The following SLC9B2 variants were observed in gnomAD, a reference collection of about 807,000 sequenced individuals.
SLC9B2 encodes the protein solute carrier family 9 member B2, also known as sodium/hydrogen exchanger 9B2.
SLC9B2 carries 39 observed loss-of-function variants against 52.2 expected under a neutral mutation model. The ratio of observed to expected loss-of-function variants is 0.75; its 90% CI spans 0.58 to 0.98. The LOEUF (loss-of-function observed/expected upper bound fraction) is 0.98. SLC9B2 is among the 50% of genes least tolerant of loss of function. The pLI is 0.00. For missense variants in SLC9B2, 626 were observed against 637.5 expected (o/e 0.98, Z 0.19); for synonymous variants, 214 against 227.0 (o/e 0.94, Z 0.51).
Position 103,031,716 on chromosome 4 carries a change from G to T in SLC9B2, c.1239C>A (p.Leu413=). Residue 413 remains leucine (L), a synonymous_variant, in exon 10 of 12, where the codon CTC becomes CTA. Coordinates refer to ENST00000394785, the MANE Select transcript of SLC9B2 (RefSeq NM_178833.7). ...LIGAEVSIAS[L]RPETVGLCVA... The stretch of plus-strand genomic sequence containing the variant: ...AATTCTTACCTACAGTTTCTGGTCT[G>T]AGAGATGCAATAGATACCTCTGCTC... The T allele has an allele frequency of 6.2e-7, 1 of 1,612,296 alleles. No homozygotes were observed. Among genetic ancestry groups the T allele is most frequent in the South Asian group, 1.1e-5 (1 of 90,938 alleles).
At chr4:103,063,623 T>C (rs2110653075) in intron 3 of SLC9B2, among the ~76,000 whole-genome samples, 1 of 152,262 alleles carries the variant, frequency 6.6e-6, no homozygotes, top group African/African-American at 2.4e-5. Flanking sequence ...AAAAGCTCCA[T>C]GACACTGGTC....
In SLC9B2 at chr4:103,023,365, A is replaced by G. The variant is rs909651155; in HGVS notation, c.*3005T>C. Among the ~76,000 whole-genome samples the G allele has an allele frequency of 6.6e-6, 1 of 152,230 alleles. No individual in the cohort carries two copies. The highest frequency in any genetic ancestry group is 2.4e-5 in the African/African-American group (1 of 41,452). On this transcript the variant is annotated 3_prime_UTR_variant, in exon 12 of 12. Coordinates refer to ENST00000394785, the MANE Select transcript of SLC9B2 (RefSeq NM_178833.7). ...GACATAAGTATGTATAAGGGACCCA[A>G]AAGTTAGAGTAATTGTTTCTATCTG...
chr4:103,044,860 C>T, intron 8 of SLC9B2, 30 bp downstream of exon 8: 1 of 1,522,054 alleles, frequency 6.6e-7, no homozygotes, highest in Non-Finnish European at 9.1e-7. Flanking sequence ...TATTTCAGAG[C>T]ACAACTTTCC....
At position 103,067,470 on chromosome 4, in the gene SLC9B2, T is replaced by C; in HGVS notation, c.81A>G (p.Gln27=). 2.5e-6 allele frequency: 4 copies of C among 1,613,158 alleles called. No homozygotes were observed. Among genetic ancestry groups the C allele is most frequent in the East Asian group, 2.2e-5 (1 of 44,842 alleles). The change falls in exon 2 of 12, where the codon CAA becomes CAG. Residue 27 remains glutamine, a synonymous_variant. Transcript: ENST00000394785. ...TGMNYTPSMH[Q]EAQEETVMKL... ...CACAGCTTAGATTTACCTGTGCTTC[T>C]TGATGCATGGAGGGCGTGTAATTCA...
chr4:103,031,951 A>G (rs1742744173), intron 9 of SLC9B2, 143 bp from the exon 10 acceptor site: 1 of 710,916 alleles, frequency 1.4e-6, no homozygotes, highest in Non-Finnish European at 2.3e-6. Flanking sequence ...TAGCTAGAAC[A>G]GAGCAAAAAA....
intron 1 of SLC9B2, 146 bp from the exon 2 acceptor site, chr4:103,067,738 TA>T (rs1335249414): frequency 7.0e-6 from 4 of 572,062 alleles, no homozygotes; most frequent in Non-Finnish European, 1.2e-5. Flanking sequence ...AATGGCTGGT[TA>T]TTGTTTTTGC....
chr4:103,052,540 C>T (rs531746068), intron 4 of SLC9B2, among the ~76,000 whole-genome samples: 46 of 152,234 alleles, frequency 3.0e-4, no homozygotes, highest in Non-Finnish European at 6.3e-4. Flanking sequence ...AAATACTGCA[C>T]TAATGCTTAC....
At position 103,067,503 on chromosome 4, in the gene SLC9B2, G is replaced by A. The variant is rs1450270552; in HGVS notation, c.48C>T (p.Ser16=). 1 of 1,613,314 alleles carries A rather than the reference G, an allele frequency of 6.2e-7. No homozygotes were observed. The highest frequency in any genetic ancestry group is 1.7e-5 in the Admixed American group (1 of 60,008). Residue 16 remains serine (S), a synonymous_variant, in exon 2 of 12, where the codon TCC becomes TCT. Coordinates refer to ENST00000394785, the MANE Select transcript of SLC9B2 (RefSeq NM_178833.7). ...KRITYEDSEP[S]TGMNYTPSMH... is the part of the protein sequence containing the mutation. ...TGGAGGGCGTGTAATTCATTCCTGTGGATGGTTCTGAATCTTCATATGTAA... is the reference window on the plus strand; with the variant it reads ...TGGAGGGCGTGTAATTCATTCCTGTAGATGGTTCTGAATCTTCATATGTAA...
At chr4:103,032,232 A>G (rs1383732) in intron 9 of SLC9B2, among the ~76,000 whole-genome samples, 26,911 of 152,004 alleles carry the variant, frequency 0.18, 2,734 homozygotes, top group African/African-American at 0.27. Context: ...ATATGCCCCT[A>G]TTACTGCTGC....
At chr4:103,059,979 G>C (rs953232406) in intron 3 of SLC9B2, among the ~76,000 whole-genome samples, 1 of 151,608 alleles carries the variant, frequency 6.6e-6, no homozygotes, top group Non-Finnish European at 1.5e-5. Flanking sequence ...CTATTCCTTG[G>C]TTTTCTGGTT....
chr4:103,026,044 G>A lies in SLC9B2; in HGVS notation c.*326C>T, dbSNP rs72943514. The A allele has an allele frequency of 3.1e-3, 553 of 175,706 alleles. No homozygotes were observed. Among genetic ancestry groups the A allele is most frequent in the Middle Eastern group, 0.012 (5 of 426 alleles). The allele number at this position is 175,706 out of a possible 1,614,324, so 10.9% of individuals were successfully genotyped here. A position where few individuals can be genotyped will look rare whatever the true frequency, so the allele number is the denominator to read the frequency against. ...GGAAACTGTGAAAGTTAAAAGTTAG[G>A]GCAATCCTAGCTGAAGAGGATACTG... On this transcript the variant is annotated 3_prime_UTR_variant, in exon 12 of 12. Coordinates refer to ENST00000394785, the MANE Select transcript of SLC9B2 (RefSeq NM_178833.7).
Position 103,049,136 on chromosome 4 carries a change from G to T in SLC9B2, c.586-116C>A, listed in dbSNP as rs1744436482. 2.4e-6 allele frequency: 3 copies of T among 1,224,802 alleles called. No homozygotes were observed. The African/African-American group carries it at 4.6e-5, about 19-fold the overall frequency. 75.9% of individuals were successfully genotyped at this position (1,224,802 alleles called of 1,614,324 possible). A position where few individuals can be genotyped will look rare whatever the true frequency, so the allele number is the denominator to read the frequency against. ...CGTCTGGGTCATCATGAGTTTTCAA[G>T]GTAATGAGTTGTATTTAACAAACAT... On this transcript the variant is annotated intron_variant, in intron 5 of 11. Transcript: ENST00000394785.
chr4:103,053,278 T>A (rs1312779189), intron 4 of SLC9B2, among the ~76,000 whole-genome samples: 1 of 152,212 alleles, frequency 6.6e-6, no homozygotes, highest in Admixed American at 6.5e-5. Context: ...AACCATCACA[T>A]ACATTTTGTC....
chr4:103,037,168 G>T (rs767744467), intron 9 of SLC9B2, among the ~76,000 whole-genome samples: 42 of 152,264 alleles, frequency 2.8e-4, no homozygotes, highest in Admixed American at 7.8e-4. Context: ...GCCTGGGATA[G>T]GCTCGGGCTT....
At chr4:103,056,079 C>T (rs1435803783) in intron 4 of SLC9B2, among the ~76,000 whole-genome samples, 3 of 152,112 alleles carry the variant, frequency 2.0e-5, no homozygotes, top group African/African-American at 4.8e-5. Context: ...GCTGGGATTA[C>T]AGGCGTGAGC....
At position 103,049,646 on chromosome 4, in the gene SLC9B2, T is replaced by C. The variant is rs766978964; in HGVS notation, c.585+594A>G. ...ATTATTTATAACCCTGGTCTATATGTACATCAGAGAAAAGTGGGGCCTTTA... is the reference window on the plus strand; with the variant it reads ...ATTATTTATAACCCTGGTCTATATGCACATCAGAGAAAAGTGGGGCCTTTA... On this transcript the variant is annotated intron_variant, in intron 5 of 11. Coordinates refer to ENST00000394785, the MANE Select transcript of SLC9B2 (RefSeq NM_178833.7). Among the ~76,000 whole-genome samples the C allele has an allele frequency of 7.2e-4, 110 of 152,292 alleles. 1 individual carries two copies. The highest frequency in any genetic ancestry group is 4.6e-4 in the Non-Finnish European group (31 of 68,010).
Position 103,073,869 on chromosome 4 carries a change from T to C in SLC9B2, c.-43+2315A>G, listed in dbSNP as rs568158898. Among the ~76,000 whole-genome samples, 4 of 152,368 alleles carry C rather than the reference T, an allele frequency of 2.6e-5. No homozygotes were observed. The East Asian group carries it at 7.7e-4, about 29-fold the overall frequency. On this transcript the variant is annotated intron_variant, in intron 1 of 11. Transcript: ENST00000394785. ...AGTGGGACAGACATGACTTATGGCC[T>C]GTCTAAATGCCAAGTGTTCAGGTAT...
At chr4:103,072,056 G>GTTTTATTTTTT (rs1746688355) in intron 1 of SLC9B2, among the ~76,000 whole-genome samples, 1 of 95,306 alleles carries the variant, frequency 1.0e-5, no homozygotes. Context: ...TGGCTTTCAT[G>GTTTTATTTTTT]TTTTTTTTTT....
rs968053125 is a variant in SLC9B2 at position 103,024,197 on chromosome 4, A to G, written c.*2173T>C. Among the ~76,000 whole-genome samples, 1 of 152,190 alleles carries G rather than the reference A, an allele frequency of 6.6e-6. No individual in the cohort carries two copies. Among genetic ancestry groups the G allele is most frequent in the Non-Finnish European group, 1.5e-5 (1 of 68,024 alleles). On this transcript the variant is annotated 3_prime_UTR_variant, in exon 12 of 12. Transcript: ENST00000394785. ...TGTTAAATCCTTAAGGACAGGGACA[A>G]TATTATTCTTGATGATGTGCCTGGA...
Sources: allele counts gnomAD v4.1 joint callset (sites outside exome capture counted in the v4.1 genomes callset), GRCh38; gene constraint gnomAD v4.1.1; transcripts MANE v1.5; gene names NCBI Gene and HGNC (gene_info 2026-07-23, HGNC 2026-07-21).